The following COL6A5 variants were observed in gnomAD, a reference collection of about 807,000 sequenced individuals.
COL6A5 encodes the protein collagen type VI alpha 5 chain.
COL6A5 carries 48 observed loss-of-function variants against 65.6 expected under a neutral mutation model. That is an observed-to-expected ratio of 0.73 (90% CI 0.58 to 0.93). COL6A5 has a LOEUF of 0.93. Among genes scored for constraint, COL6A5 ranks in the 40% least tolerant of loss-of-function variants. COL6A5 has a pLI of 0.00. For missense variants in COL6A5, 914 were observed against 928.3 expected (o/e 0.98, Z 0.20); for synonymous variants, 291 against 322.8 (o/e 0.90, Z 1.05).
exon 6 of COL6A5, chr3:130,469,304 A>G (rs778400661): frequency 6.2e-7 from 1 of 1,613,044 alleles, no homozygotes; most frequent in Non-Finnish European, 8.5e-7. Flanking sequence ...TCTGAGAGCC[A>G]AGTGTCAAGG....
chr3:130,471,614 G>A, intron 7 of COL6A5, 68 bp from the exon 40 acceptor site: 1 of 1,354,368 alleles, frequency 7.4e-7, no homozygotes, highest in Non-Finnish European at 1.0e-6. Context: ...TTATCTGGTG[G>A]TATTCACATT....
In COL6A5 at chr3:130,414,135, T is replaced by C; in HGVS notation, c.4761+4T>C. The C allele has an allele frequency of 6.5e-7, 1 of 1,546,206 alleles. No homozygotes were observed. The stretch of plus-strand genomic sequence containing the variant: ...TGAAGGATTACAAGGCCCACAGGTG[T>C]GTTGGAATATTTTGTAAATATTGAT... On this transcript the variant is annotated splice_donor_region_variant and intron_variant and NMD_transcript_variant, in intron 22 of 41. Transcript: ENST00000312481.
At chr3:130,425,941 C>A (rs1367137574) in intron 29 of COL6A5, among the ~76,000 whole-genome samples, 1 of 152,062 alleles carries the variant, frequency 6.6e-6, no homozygotes, top group Non-Finnish European at 1.5e-5. Context: ...TAAGAAATAC[C>A]TTTGTTTCTT....
chr3:130,388,721 G>A, exon 6 of COL6A5: 1 of 1,551,308 alleles, frequency 6.4e-7, no homozygotes. Flanking sequence ...ACCCAGATTG[G>A]TGTTGTTCAG....
At chr3:130,392,594 C>T (rs1936441774) in intron 7 of COL6A5, among the ~76,000 whole-genome samples, 2 of 152,108 alleles carry the variant, frequency 1.3e-5, no homozygotes, top group Admixed American at 6.5e-5. Flanking sequence ...CTTCCTTCCT[C>T]CCTCCTTCCT....
upstream of COL6A5, among the ~76,000 whole-genome samples, chr3:130,429,868 C>G (rs2107692404): frequency 6.6e-6 from 1 of 152,198 alleles, no homozygotes; most frequent in East Asian, 1.9e-4. Context: ...ACATGGCTCT[C>G]TGACTAATCC....
At chr3:130,448,642 T>C (rs1382571040) in intron 4 of COL6A5, among the ~76,000 whole-genome samples, 1 of 152,114 alleles carries the variant, frequency 6.6e-6, no homozygotes, top group Non-Finnish European at 1.5e-5. Flanking sequence ...ATTAATTCTT[T>C]ATCAGTGGGG....
chr3:130,424,872 A>C (rs1937575550), intron 29 of COL6A5, among the ~76,000 whole-genome samples: 1 of 152,020 alleles, frequency 6.6e-6, no homozygotes, highest in African/African-American at 2.4e-5. Context: ...GGGGACACCC[A>C]CATCTTCCTG....
intron 5 of COL6A5, among the ~76,000 whole-genome samples, chr3:130,466,497 A>G (rs1308837262): frequency 6.6e-6 from 1 of 152,036 alleles, no homozygotes; most frequent in East Asian, 1.9e-4. Flanking sequence ...AAATAGCATT[A>G]AATGCCTATA....
chr3:130,376,696 A>G (rs1935791171), exon 3 of COL6A5: 1 of 1,613,590 alleles, frequency 6.2e-7, no homozygotes, highest in Non-Finnish European at 8.5e-7. Context: ...TCTGAGGAAA[A>G]TCTGAAGGCC....
chr3:130,419,354 G>C (rs1226892355), intron 25 of COL6A5, among the ~76,000 whole-genome samples: 1 of 152,084 alleles, frequency 6.6e-6, no homozygotes, highest in Non-Finnish European at 1.5e-5. Context: ...TAATGGCTTT[G>C]GCTGTAACAA....
At chr3:130,463,238 A>T (rs923833726) in intron 5 of COL6A5, among the ~76,000 whole-genome samples, 1 of 152,108 alleles carries the variant, frequency 6.6e-6, no homozygotes, top group Non-Finnish European at 1.5e-5. Context: ...TCTGGACAGA[A>T]CCTCACACAT....
chr3:130,367,804 G>A (rs1278267025), intron 1 of COL6A5, among the ~76,000 whole-genome samples: 1 of 152,214 alleles, frequency 6.6e-6, no homozygotes, highest in Admixed American at 6.5e-5. Flanking sequence ...GCTGAATCAA[G>A]TTCTAAATCA....
chr3:130,423,640 G>A (rs1379956037), intron 28 of COL6A5, among the ~76,000 whole-genome samples, 198 bp from the exon 29 acceptor site: 1 of 152,140 alleles, frequency 6.6e-6, no homozygotes, highest in African/African-American at 2.4e-5. Context: ...GTCACAAAGA[G>A]GCTAGGAGGG....
At chr3:130,366,903 A>G (rs996888051) in intron 1 of COL6A5, among the ~76,000 whole-genome samples, 2 of 152,224 alleles carry the variant, frequency 1.3e-5, no homozygotes, top group African/African-American at 4.8e-5. Context: ...ACCTTACAAA[A>G]TAACCCCCAT....
intron 4 of COL6A5, among the ~76,000 whole-genome samples, chr3:130,445,590 C>A (rs1709285492): frequency 6.6e-6 from 1 of 152,122 alleles, no homozygotes; most frequent in African/African-American, 2.4e-5. Flanking sequence ...CCCATACTCG[C>A]AGTCCAGACA....
chr3:130,456,468 A>C (rs1223149080), intron 5 of COL6A5, among the ~76,000 whole-genome samples: 1 of 152,258 alleles, frequency 6.6e-6, no homozygotes, highest in East Asian at 1.9e-4. Flanking sequence ...TCGATTGTGT[A>C]ATACAAAAGA....
chr3:130,425,820 A>C (rs971005861), intron 29 of COL6A5, among the ~76,000 whole-genome samples: 1 of 152,146 alleles, frequency 6.6e-6, no homozygotes, highest in East Asian at 1.9e-4. Context: ...TGAATTCCCA[A>C]TAAATTACTC....
chr3:130,409,796 C>T lies in COL6A5; in HGVS notation c.4543-213C>T, dbSNP rs144944227. Reference sequence around the variant, plus strand: ...GGGAAAATCACCATGTAGCAGGCACCCTTTTAATTCTTTATTTATTGCCAA... The same window carrying T: ...GGGAAAATCACCATGTAGCAGGCACTCTTTTAATTCTTTATTTATTGCCAA... On this transcript the variant is annotated intron_variant and NMD_transcript_variant, in intron 18 of 41. Transcript: ENST00000312481. 2.2e-4 allele frequency among the ~76,000 whole-genome samples: 34 copies of T among 152,208 alleles called. No individual in the cohort carries two copies. The East Asian group carries it at 5.4e-3, about 24-fold the overall frequency.
Sources: gnomAD v4.1 joint callset for allele counts (sites outside exome capture counted in the v4.1 genomes callset) on GRCh38, gnomAD v4.1.1 for gene constraint, MANE v1.5 for transcripts, NCBI Gene and HGNC (gene_info 2026-07-23, HGNC 2026-07-21) for gene names.